The following IFT80 variants were observed in gnomAD, a reference collection of about 807,000 sequenced individuals.
IFT80 encodes intraflagellar transport protein 80 homolog.
IFT80 carries 79 observed loss-of-function variants against 107.9 expected under a neutral mutation model. The ratio of observed to expected loss-of-function variants is 0.73; its 90% CI spans 0.61 to 0.88. The LOEUF (loss-of-function observed/expected upper bound fraction) is 0.88. IFT80 is among the 40% of genes least tolerant of loss of function. The pLI is 0.00. For missense variants in IFT80, 797 were observed against 914.2 expected (o/e 0.87, Z 1.65); for synonymous variants, 299 against 300.9 (o/e 0.99, Z 0.07).
chr3:160,260,777 C>T (rs758396320), intron 19 of IFT80, among the ~76,000 whole-genome samples: 4 of 152,182 alleles, frequency 2.6e-5, no homozygotes, highest in African/African-American at 7.2e-5. Context: ...TTATTCTACT[C>T]GCTAGCCAAT....
At position 160,285,800 on chromosome 3, in the gene IFT80, T is replaced by C. The variant is rs762689335; in HGVS notation, c.1380+4A>G. 3.8e-6 allele frequency: 6 copies of C among 1,588,226 alleles called. No individual in the cohort carries two copies. In the Admixed American group the frequency reaches 5.0e-5, roughly 13 times the overall value. On this transcript the variant is annotated splice_donor_region_variant and intron_variant, in intron 13 of 19. Transcript: ENST00000326448. ...TTACATTAGAAGTAGTTAATGTCCA[T>C]TACCTTATGAGAAAGAAACTTTCCA...
intron 8 of IFT80, among the ~76,000 whole-genome samples, chr3:160,344,266 T>A (rs1403921162): frequency 6.6e-6 from 1 of 152,212 alleles, no homozygotes; most frequent in Non-Finnish European, 1.5e-5. Flanking sequence ...ATCCTTTTAC[T>A]GGTATTTTCT....
chr3:160,284,788 A>C (rs1284081408), intron 13 of IFT80, among the ~76,000 whole-genome samples: 1 of 152,222 alleles, frequency 6.6e-6, no homozygotes, highest in Non-Finnish European at 1.5e-5. Flanking sequence ...CTCCAGAAAG[A>C]CAGTATTATA....
chr3:160,297,204 C>T (rs1716051010), intron 12 of IFT80, among the ~76,000 whole-genome samples: 1 of 151,886 alleles, frequency 6.6e-6, no homozygotes, highest in Admixed American at 6.6e-5. Flanking sequence ...TAGTCTCAAT[C>T]GTAACAGTGA....
intron 8 of IFT80, among the ~76,000 whole-genome samples, chr3:160,337,770 C>T (rs73875255): frequency 0.013 from 1,911 of 152,188 alleles, 32 homozygotes; most frequent in African/African-American, 0.044. Context: ...TTATAAGTGA[C>T]TTGGTCTTTT....
intron 8 of IFT80, among the ~76,000 whole-genome samples, chr3:160,328,963 T>C (rs1718888105): frequency 1.3e-5 from 2 of 149,408 alleles, no homozygotes; most frequent in African/African-American, 4.9e-5. Flanking sequence ...CATGGACACA[T>C]GGGGGGACAA....
chr3:160,361,086 T>C (rs2886774), intron 6 of IFT80, among the ~76,000 whole-genome samples: 59,800 of 151,928 alleles, frequency 0.39, 12,766 homozygotes, highest in Non-Finnish European at 0.49. Flanking sequence ...GACTGGCAAA[T>C]TGGATGAAGA....
chr3:160,397,462 A>G (rs894344234), intron 1 of IFT80, among the ~76,000 whole-genome samples: 2 of 152,188 alleles, frequency 1.3e-5, no homozygotes, highest in Admixed American at 1.3e-4. Context: ...GCATACTTTG[A>G]TAAGTTCAAT....
At position 160,258,538 on chromosome 3, in the gene IFT80, C is replaced by G. The variant is rs373667094; in HGVS notation, c.2321G>C (p.Gly774Ala). Residue 774 changes from glycine (G) to alanine (A), a missense_variant, in exon 20 of 20, where the codon GGT (glycine) becomes GCT (alanine). Transcript: ENST00000326448. ...SSSSQSSKSI[G>A]LKP ...TACGCATGGCATTTAGGGCTTTAAA[C>G]CTATACTCTTGCTGGATTGGCTGCT... 1 of 1,613,670 alleles carries G rather than the reference C, an allele frequency of 6.2e-7. No homozygotes were observed. Among genetic ancestry groups the G allele is most frequent in the East Asian group, 2.2e-5 (1 of 44,836 alleles).
At chr3:160,303,009 G>A (rs946570505) in intron 11 of IFT80, among the ~76,000 whole-genome samples, 31 of 152,134 alleles carry the variant, frequency 2.0e-4, no homozygotes, top group African/African-American at 7.5e-4. Flanking sequence ...TTTCCTTCCT[G>A]TCATTGTGCC....
chr3:160,343,215 A>T (rs558745276), intron 8 of IFT80, among the ~76,000 whole-genome samples: 1 of 152,350 alleles, frequency 6.6e-6, no homozygotes, highest in Admixed American at 6.5e-5. Flanking sequence ...GCAGATGGTA[A>T]GTCACTGCAA....
chr3:160,340,953 C>G (rs1332881763), intron 8 of IFT80, among the ~76,000 whole-genome samples: 1 of 152,068 alleles, frequency 6.6e-6, no homozygotes, highest in East Asian at 1.9e-4. Flanking sequence ...AAAGCATATT[C>G]CTTTTTTCTA....
chr3:160,261,729 T>C (rs1712850401), intron 19 of IFT80, among the ~76,000 whole-genome samples: 1 of 148,494 alleles, frequency 6.7e-6, no homozygotes, highest in African/African-American at 2.5e-5. Context: ...TGAGTCTGGC[T>C]ATGTTGAGGC....
intron 9 of IFT80, among the ~76,000 whole-genome samples, chr3:160,315,367 A>G (rs986588771): frequency 6.6e-6 from 1 of 152,184 alleles, no homozygotes; most frequent in Non-Finnish European, 1.5e-5. Context: ...TTACATTGTT[A>G]GGGTGAAACT....
At chr3:160,369,462 A>G (rs1443096149) in intron 5 of IFT80, among the ~76,000 whole-genome samples, 2 of 151,944 alleles carry the variant, frequency 1.3e-5, no homozygotes, top group Non-Finnish European at 2.9e-5. Context: ...GTACATATAA[A>G]CATTTTCTTT....
At chr3:160,258,965 G>A (rs1254911612) in intron 19 of IFT80, among the ~76,000 whole-genome samples, 1 of 151,916 alleles carries the variant, frequency 6.6e-6, no homozygotes, top group Non-Finnish European at 1.5e-5. Flanking sequence ...AAAAGTAGCT[G>A]GGTGTGGTGG....
At chr3:160,369,511 A>G (rs1313357384) in intron 5 of IFT80, among the ~76,000 whole-genome samples, 2 of 151,940 alleles carry the variant, frequency 1.3e-5, no homozygotes, top group South Asian at 2.1e-4. Context: ...ACAACTTTCA[A>G]TTTGGGTGGT....
chr3:160,384,484 C>G (rs1269944220), intron 2 of IFT80, 80 bp downstream of exon 2: 22 of 1,351,388 alleles, frequency 1.6e-5, no homozygotes, highest in Non-Finnish European at 2.0e-5. Context: ...TATTCTTCAA[C>G]TAGGATATAA....
chr3:160,336,076 T>G (rs957656012), intron 8 of IFT80, among the ~76,000 whole-genome samples: 3 of 152,218 alleles, frequency 2.0e-5, no homozygotes, highest in Admixed American at 2.0e-4. Context: ...ACACTTCAAT[T>G]TTTTCAGCTT....
Sources: allele counts gnomAD v4.1 joint callset (sites outside exome capture counted in the v4.1 genomes callset), GRCh38; gene constraint gnomAD v4.1.1; transcripts MANE v1.5; gene names NCBI Gene and HGNC (gene_info 2026-07-23, HGNC 2026-07-21).